The following ZNF791 variants were observed in gnomAD, a reference collection of about 807,000 sequenced individuals.
The protein encoded by ZNF791 is zinc finger protein 791.
A neutral mutation model predicts 11.5 loss-of-function variants in ZNF791; 4 were observed. That is an observed-to-expected ratio of 0.35 (90% CI 0.17 to 0.80). The LOEUF is 0.80. ZNF791 is among the 30% of genes least tolerant of loss of function. The probability of loss-of-function intolerance (pLI) is 0.53; values close to 1 mark genes in which losing one functional copy is unlikely to be tolerated. For synonymous variants in ZNF791, 212 were observed against 228.1 expected (o/e 0.93, Z 0.64); for missense variants, 559 against 699.4 (o/e 0.80, Z 2.26).
In ZNF791 at chr19:12,616,337, C is replaced by G. The variant is rs746455828; in HGVS notation, c.3+5255C>G. On this transcript the variant is annotated intron_variant, in intron 1 of 3. Transcript: ENST00000343325. ...GGCAGGCATGGTGGTACACGCTTGT[C>G]ATCCCAGCTACTCCAGAGGCTAAAG... Among the ~76,000 whole-genome samples, 16 of 152,156 alleles carry G rather than the reference C, an allele frequency of 1.1e-4. 1 individual carries two copies. The highest frequency in any genetic ancestry group is 6.2e-4 in the South Asian group (3 of 4,834).
At chr19:12,623,083 CAACA>C (rs1032402440) in intron 1 of ZNF791, among the ~76,000 whole-genome samples, 12 of 151,904 alleles carry the variant, frequency 7.9e-5, no homozygotes, top group East Asian at 1.9e-4. Flanking sequence ...TCTTAGAAAA[CAACA>C]AACAAACAAA....
At chr19:12,617,218 C>T (rs548836871) in intron 1 of ZNF791, among the ~76,000 whole-genome samples, 132 of 151,226 alleles carry the variant, frequency 8.7e-4, no homozygotes, top group Non-Finnish European at 1.4e-3. Flanking sequence ...CTCCGCCTCC[C>T]GGGTTCAAGC....
intron 1 of ZNF791, among the ~76,000 whole-genome samples, chr19:12,614,436 C>A (rs948304123): frequency 1.3e-5 from 2 of 151,742 alleles, no homozygotes; most frequent in African/African-American, 4.8e-5. Flanking sequence ...GGGGTTTCAC[C>A]GTGTTGACCA....
intron 1 of ZNF791, among the ~76,000 whole-genome samples, chr19:12,615,161 A>G (rs887677137): frequency 1.3e-5 from 2 of 149,440 alleles, no homozygotes; most frequent in African/African-American, 2.5e-5. Flanking sequence ...GACTGCATGC[A>G]TGCACCACAA....
chr19:12,617,662 G>T (rs983721664), intron 1 of ZNF791, among the ~76,000 whole-genome samples: 2 of 150,402 alleles, frequency 1.3e-5, no homozygotes, highest in Non-Finnish European at 2.9e-5. Context: ...AAGAATGTGT[G>T]TTGTTCTGTT....
At chr19:12,622,426 A>AC (rs1259041061) in intron 1 of ZNF791, among the ~76,000 whole-genome samples, 2 of 146,764 alleles carry the variant, frequency 1.4e-5, no homozygotes, top group African/African-American at 4.9e-5. Context: ...AAAAAAAAAA[A>AC]AAAAAACCTC....
chr19:12,625,064 GT>G (rs1241630423), intron 3 of ZNF791, among the ~76,000 whole-genome samples: 1 of 151,538 alleles, frequency 6.6e-6, no homozygotes, highest in Non-Finnish European at 1.5e-5. Flanking sequence ...AAAAAAAGAA[GT>G]TGTGACACTT....
rs1413908331 is a variant in ZNF791 at position 12,629,245 on chromosome 19, A to C, written c.1716A>C (p.Arg572Ser). 6.8e-7 allele frequency: 1 copy of C among 1,479,230 alleles called. No individual in the cohort carries two copies. Among genetic ancestry groups the C allele is most frequent in the East Asian group, 2.3e-5 (1 of 43,062 alleles). 91.6% of individuals were successfully genotyped at this position (1,479,230 alleles called of 1,614,324 possible). ...SVSTSLKKHM[R>S]MHNR ...CCACATCCTTAAAAAAACATATGAG[A>C]ATGCACAATCGATAGAAACTCTATA... is the stretch of plus-strand genomic sequence containing the variant. The change falls in exon 4 of 4, where the codon AGA becomes AGC. Residue 572 changes from arginine to serine, a missense_variant. By Grantham distance (110) the Arg-to-Ser change is moderately radical. Transcript: ENST00000343325.
intron 1 of ZNF791, among the ~76,000 whole-genome samples, chr19:12,619,987 G>A (rs895610113): frequency 4.0e-5 from 6 of 150,998 alleles, no homozygotes; most frequent in Middle Eastern, 3.2e-3. Flanking sequence ...GCAGTGGCGC[G>A]ATCTCGGCTC....
In ZNF791 at chr19:12,629,105, TG is replaced by T; in HGVS notation, c.1577del (p.Cys526LeufsTer42). The T allele has an allele frequency of 6.2e-7, 1 of 1,605,470 alleles. No homozygotes were observed. The highest frequency in any genetic ancestry group is 1.7e-5 in the Admixed American group (1 of 57,902). On this transcript the variant is annotated frameshift_variant, in exon 4 of 4. Transcript: ENST00000343325. LOFTEE classifies it low-confidence loss of function (END_TRUNC). ...GCATACTGGAGAGAAACCCTATAAA[TG>T]TAAAGAATGTGGGAAGGCCTTTAGT... ...RMHTGEKPYK[C>X]KECGKAFSLH...
At position 12,628,080 on chromosome 19, in the gene ZNF791, G is replaced by A; in HGVS notation, c.551G>A (p.Gly184Glu). The change falls in exon 4 of 4, where the codon GGA becomes GAA. Residue 184 changes from glycine (G) to glutamate (E), a missense_variant. By Grantham distance (98) the Gly-to-Glu change is moderately conservative. Coordinates refer to ENST00000343325, the MANE Select transcript of ZNF791 (RefSeq NM_153358.3). ...PFQRHERTHI[G>E]EKPYECKQCG... Reference sequence around the variant, plus strand: ...CAAAGACATGAGCGGACTCACATTGGAGAAAAACCCTATGAATGTAAGCAA... The same window carrying A: ...CAAAGACATGAGCGGACTCACATTGAAGAAAAACCCTATGAATGTAAGCAA... 24 of 1,613,912 alleles carry A rather than the reference G, an allele frequency of 1.5e-5. No individual in the cohort carries two copies. The highest frequency in any genetic ancestry group is 2.0e-5 in the Non-Finnish European group (24 of 1,179,940).
At position 12,632,507 on chromosome 19, in the gene ZNF791, C is replaced by T. The variant is rs1348120118; in HGVS notation, c.*3247C>T. The T allele has an allele frequency of 6.6e-6, 1 of 152,040 alleles. No homozygotes were observed. The highest frequency in any genetic ancestry group is 1.5e-5 in the Non-Finnish European group (1 of 68,032). The allele number at this position is 152,040 out of a possible 1,614,324, so 9.4% of individuals were successfully genotyped here. A position where few individuals can be genotyped will look rare whatever the true frequency, so the allele number is the denominator to read the frequency against. ...GCTTTTTAAATTTCTTGGCCAGACA[C>T]GGTGGCTCACTCCTTTGTAATTCCA... On this transcript the variant is annotated 3_prime_UTR_variant, in exon 4 of 4. Coordinates refer to ENST00000343325, the MANE Select transcript of ZNF791 (RefSeq NM_153358.3).
chr19:12,616,103 T>A (rs970649144), intron 1 of ZNF791, among the ~76,000 whole-genome samples: 1 of 152,234 alleles, frequency 6.6e-6, no homozygotes, highest in Non-Finnish European at 1.5e-5. Context: ...GTTCTCAGCA[T>A]TTTGAACTTT....
intron 1 of ZNF791, among the ~76,000 whole-genome samples, chr19:12,614,369 G>A (rs2023207218): frequency 6.6e-6 from 1 of 151,766 alleles, no homozygotes; most frequent in Non-Finnish European, 1.5e-5. Flanking sequence ...GAGTAGCTAG[G>A]ATTACAGGTG....
chr19:12,623,437 A>G, intron 1 of ZNF791: 1 of 424,904 alleles, frequency 2.4e-6, no homozygotes, highest in East Asian at 4.4e-5. Context: ...ATTGATCCTA[A>G]AATTTGTCTC....
At chr19:12,613,376 T>C (rs1386126822) in intron 1 of ZNF791, among the ~76,000 whole-genome samples, 1 of 151,866 alleles carries the variant, frequency 6.6e-6, no homozygotes, top group Non-Finnish European at 1.5e-5. Context: ...GGTCAGGAGC[T>C]CGAGACCATC....
chr19:12,613,788 G>T (rs1360436039), intron 1 of ZNF791, among the ~76,000 whole-genome samples: 6 of 152,080 alleles, frequency 3.9e-5, no homozygotes, highest in Admixed American at 1.3e-4. Flanking sequence ...TGCCCACCAT[G>T]GAAGGATCCT....
intron 2 of ZNF791, 95 bp from the exon 3 acceptor site, chr19:12,624,555 C>G: frequency 1.1e-6 from 1 of 917,042 alleles, no homozygotes; most frequent in South Asian, 1.9e-5. Context: ...TGTAAATAAA[C>G]CAGGCATGGT....
chr19:12,621,787 C>T (rs2023352579), intron 1 of ZNF791, among the ~76,000 whole-genome samples: 1 of 141,408 alleles, frequency 7.1e-6, no homozygotes, highest in African/African-American at 2.6e-5. Context: ...AGCCCCCCCG[C>T]CCGGCCAGCC....
Sources: gnomAD v4.1 joint callset for allele counts (sites outside exome capture counted in the v4.1 genomes callset) on GRCh38, gnomAD v4.1.1 for gene constraint, MANE v1.5 for transcripts, NCBI Gene and HGNC (gene_info 2026-07-23, HGNC 2026-07-21) for gene names.